The following PTPRN2 variants were observed in gnomAD, a reference collection of about 807,000 sequenced individuals.
The protein encoded by PTPRN2 is receptor-type tyrosine-protein phosphatase N2.
Under a neutral mutation model 118.8 loss-of-function variants are expected in PTPRN2, and 74 were observed. The observed-to-expected ratio is 0.62, with a 90% CI of 0.52 to 0.76. The LOEUF is 0.76. Among genes scored for constraint, PTPRN2 ranks in the 30% least tolerant of loss-of-function variants. The pLI is 0.00. For synonymous variants in PTPRN2, 641 were observed against 608.0 expected, an observed-to-expected ratio of 1.05 and a Z score of -0.80; for missense variants, 1,481 against 1,394.4, an observed-to-expected ratio of 1.06 and a Z score of -0.99.
chr7:157,845,771 C>G lies in PTPRN2; in HGVS notation c.1788+52902G>C, dbSNP rs1808763200. On this transcript the variant is annotated intron_variant, in intron 12 of 22. Transcript: ENST00000389418. The surrounding 1 kb of genome is among the most constrained non-coding windows in gnomAD (Gnocchi z 4.5). ...AGAGACGGGGACGGCAGCAAGGACACAGCAGGGCCATGGGCAGAGGAAGGA... is the reference window on the plus strand; with the variant it reads ...AGAGACGGGGACGGCAGCAAGGACAGAGCAGGGCCATGGGCAGAGGAAGGA... Among the ~76,000 whole-genome samples, 1 of 152,134 alleles carries G rather than the reference C, an allele frequency of 6.6e-6. No homozygotes were observed. Among genetic ancestry groups the G allele is most frequent in the South Asian group, 2.1e-4 (1 of 4,824 alleles).
intron 2 of PTPRN2, among the ~76,000 whole-genome samples, chr7:158,372,401 C>T (rs1310917649): frequency 6.7e-6 from 1 of 149,044 alleles, no homozygotes; most frequent in African/African-American, 2.5e-5. Context: ...AATGCTGGTC[C>T]CCAGAGCTGG....
At chr7:158,507,047 G>A (rs952688314) in intron 1 of PTPRN2, among the ~76,000 whole-genome samples, 4 of 152,226 alleles carry the variant, frequency 2.6e-5, no homozygotes, top group Non-Finnish European at 5.9e-5. Flanking sequence ...TTACTGGGGG[G>A]AATGGGCTCT....
intron 2 of PTPRN2, among the ~76,000 whole-genome samples, chr7:158,340,566 A>C (rs1246075138): frequency 8.0e-3 from 564 of 70,932 alleles, no homozygotes; most frequent in Middle Eastern, 0.036. Flanking sequence ...CACACCCACA[A>C]TCTCACCATA....
At chr7:157,607,707 G>T (rs1413287748) in intron 15 of PTPRN2, among the ~76,000 whole-genome samples, 1 of 152,214 alleles carries the variant, frequency 6.6e-6, no homozygotes, top group Non-Finnish European at 1.5e-5. Context: ...CAGGCCACGG[G>T]GAAAGTGGCC....
At chr7:157,876,131 C>T (rs990175019) in intron 12 of PTPRN2, among the ~76,000 whole-genome samples, 5 of 152,346 alleles carry the variant, frequency 3.3e-5, no homozygotes, top group East Asian at 3.9e-4. Context: ...ATGCAGTCCA[C>T]GCTCACCCTC....
chr7:157,654,815 T>A (rs538203559), intron 14 of PTPRN2, among the ~76,000 whole-genome samples: 2 of 152,338 alleles, frequency 1.3e-5, no homozygotes, highest in African/African-American at 4.8e-5. Context: ...CCTTGAAATG[T>A]GGAAATATCA....
At chr7:158,190,000 C>G (rs1196475435) in intron 5 of PTPRN2, among the ~76,000 whole-genome samples, 2 of 152,244 alleles carry the variant, frequency 1.3e-5, no homozygotes, top group African/African-American at 4.8e-5. Context: ...TTGCCAGTGT[C>G]CTGGCGCCCT....
At chr7:158,243,850 C>A (rs1383550738) in intron 3 of PTPRN2, among the ~76,000 whole-genome samples, 1 of 152,140 alleles carries the variant, frequency 6.6e-6, no homozygotes, top group African/African-American at 2.4e-5. Flanking sequence ...GCACTAAGTA[C>A]CTCCTAAATA....
chr7:157,835,664 T>C (rs1293561073), intron 12 of PTPRN2, among the ~76,000 whole-genome samples: 1 of 152,098 alleles, frequency 6.6e-6, no homozygotes. Context: ...ATTAACAACA[T>C]AGCCGAAGGG....
intron 11 of PTPRN2, among the ~76,000 whole-genome samples, chr7:157,930,361 A>G (rs1270629801): frequency 6.6e-6 from 1 of 152,216 alleles, no homozygotes; most frequent in Non-Finnish European, 1.5e-5. Flanking sequence ...GCCCCTCGTG[A>G]TTCGCAGCCT....
At position 157,651,020 on chromosome 7, in the gene PTPRN2, A is replaced by G. The variant is rs576503846; in HGVS notation, c.2196+5337T>C. 1.5e-3 allele frequency among the ~76,000 whole-genome samples: 222 copies of G among 152,332 alleles called. 1 individual carries two copies. Among genetic ancestry groups the G allele is most frequent in the African/African-American group, 5.2e-3 (216 of 41,590 alleles). On this transcript the variant is annotated intron_variant, in intron 14 of 22. Transcript: ENST00000389418. ...TGAGCCGTGTGGGTCTGAGGAGGTC[A>G]CAGCTTGTGCCGGCATCTGTTGGTC...
At chr7:158,089,488 C>T (rs1299232780) in intron 10 of PTPRN2, among the ~76,000 whole-genome samples, 3 of 132,494 alleles carry the variant, frequency 2.3e-5, no homozygotes, top group African/African-American at 1.0e-4. Context: ...CACAAACCTT[C>T]TTCCCCTGAG....
chr7:157,896,127 A>C (rs1797099327), intron 12 of PTPRN2, among the ~76,000 whole-genome samples: 1 of 151,154 alleles, frequency 6.6e-6, no homozygotes, highest in Non-Finnish European at 1.5e-5. Context: ...CAATCCAAGC[A>C]GGGAGTGCCT....
intron 11 of PTPRN2, among the ~76,000 whole-genome samples, chr7:157,954,506 G>GTGCT (rs776385323): frequency 6.2e-5 from 3 of 48,022 alleles, no homozygotes; most frequent in African/African-American, 2.2e-4. Flanking sequence ...TACTGTGTGT[G>GTGCT]GTGTGTGTGT....
At chr7:158,276,245 C>CACCCCCACACCCCGGCCCCGACAGG (rs1798964029) in intron 3 of PTPRN2, among the ~76,000 whole-genome samples, 1 of 43,278 alleles carries the variant, frequency 2.3e-5, no homozygotes, top group Non-Finnish European at 6.1e-5. Flanking sequence ...ACATCCCGGT[C>CACCCCCACACCCCGGCCCCGACAGG]CTGGTAGCAC....
chr7:157,982,766 TC>T (rs1318020248), intron 11 of PTPRN2, among the ~76,000 whole-genome samples: 19 of 38,400 alleles, frequency 4.9e-4, no homozygotes, highest in East Asian at 1.4e-3. Flanking sequence ...GAGTGCAGGG[TC>T]CCCCCCAAAC....
chr7:158,000,565 T>C (rs936483404), intron 11 of PTPRN2, among the ~76,000 whole-genome samples: 47 of 121,988 alleles, frequency 3.9e-4, no homozygotes, highest in African/African-American at 1.4e-3. Context: ...ATGACTGAAG[T>C]TGGGGTGCAG....
chr7:158,335,028 C>A lies in PTPRN2; in HGVS notation c.164-18096G>T, dbSNP rs62480938. Among the ~76,000 whole-genome samples, 2 of 8,176 alleles carry A rather than the reference C, an allele frequency of 2.4e-4. 1 individual carries two copies. 5.4% of individuals were successfully genotyped at this position (8,176 alleles called of 152,430 possible). ...CACTGTCACCATAAGAGCTGACACC[C>A]GCAGACGTCACTCACATCCACACTC... is the stretch of plus-strand genomic sequence containing the variant. On this transcript the variant is annotated intron_variant, in intron 2 of 22. Transcript: ENST00000389418.
intron 1 of PTPRN2, among the ~76,000 whole-genome samples, chr7:158,540,181 T>C (rs938949763): frequency 5.3e-5 from 8 of 152,298 alleles, no homozygotes; most frequent in African/African-American, 1.9e-4. Context: ...GCCAAGGGCC[T>C]CACTCTGCAT....
Sources: gnomAD v4.1 joint callset for allele counts (sites outside exome capture counted in the v4.1 genomes callset) on GRCh38, gnomAD v4.1.1 for gene constraint, Gnocchi (gnomAD v3.1) non-coding constraint, MANE v1.5 for transcripts, NCBI Gene and HGNC (gene_info 2026-07-23, HGNC 2026-07-21) for gene names.